RANGAP1: variants seen among roughly 807,000 people sequenced by gnomAD.
RANGAP1 encodes the protein Ran GTPase activating protein 1.
A neutral mutation model predicts 63.5 loss-of-function variants in RANGAP1; 38 were observed. The observed-to-expected ratio is 0.60, with a 90% confidence interval of 0.46 to 0.78. RANGAP1 has a LOEUF of 0.78. RANGAP1 is among the 30% of genes least tolerant of loss of function. The probability of loss-of-function intolerance (pLI) is 0.00; values close to 1 mark genes in which losing one functional copy is unlikely to be tolerated. For missense variants in RANGAP1, 630 were observed against 740.3 expected, an observed-to-expected ratio of 0.85 and a Z score of 1.73; for synonymous variants, 329 against 310.5, an observed-to-expected ratio of 1.06 and a Z score of -0.63.
At chr22:41,285,114 T>A (rs1417020014) in intron 1 of RANGAP1, 5 of 151,882 alleles carry the variant, frequency 3.3e-5, no homozygotes, top group African/African-American at 9.7e-5. Flanking sequence ...CGGTGATCGT[T>A]CCACTACACT....
intron 1 of RANGAP1, chr22:41,285,781 A>T (rs1333225715): frequency 1.2e-6 from 1 of 852,066 alleles, no homozygotes; most frequent in Non-Finnish European, 1.4e-6. Flanking sequence ...ACGCCCTTTA[A>T]GCCTCAGTTT....
At chr22:41,253,924 A>G (rs2033643491) in intron 11 of RANGAP1, among the ~76,000 whole-genome samples, 1 of 152,020 alleles carries the variant, frequency 6.6e-6, no homozygotes. Context: ...CCTGGCCAAT[A>G]TGGCGAAACC....
At chr22:41,268,177 G>T in intron 3 of RANGAP1, 21 bp from the exon 4 acceptor site, 1 of 1,525,546 alleles carries the variant, frequency 6.6e-7, no homozygotes, top group Non-Finnish European at 8.9e-7. Context: ...AAGAAGAGAA[G>T]AGTTAGCGGG....
At chr22:41,297,686 CTTTTTTTTTTT>C in the RANGAP1 span, among the ~76,000 whole-genome samples, 2 of 93,368 alleles carry the variant, frequency 2.1e-5, no homozygotes, top group Non-Finnish European at 4.1e-5. Flanking sequence ...CCACACCTGG[CTTTTTTTTTTT>C]TTTTTTTTTT....
In RANGAP1 at chr22:41,256,378, G is replaced by A. The variant is rs1473461445; in HGVS notation, c.889-88C>T. On this transcript the variant is annotated intron_variant, in intron 8 of 15. Coordinates refer to ENST00000356244, the MANE Select transcript of RANGAP1 (RefSeq NM_002883.4). Reference sequence around the variant, plus strand: ...CTAAGCCTCAGTTTCCCCAAGTGAGGATATGGCAGGCTCTGTCCTCCAGGT... The same window carrying A: ...CTAAGCCTCAGTTTCCCCAAGTGAGAATATGGCAGGCTCTGTCCTCCAGGT... 9.7e-6 allele frequency: 13 copies of A among 1,334,992 alleles called. No homozygotes were observed. The East Asian group carries it at 2.6e-4, about 26-fold the overall frequency. The allele number at this position is 1,334,992 out of a possible 1,614,324, so 82.7% of individuals were successfully genotyped here. A position where few individuals can be genotyped will look rare whatever the true frequency, so the allele number is the denominator to read the frequency against.
At chr22:41,291,612 A>AAAAT in the RANGAP1 span, among the ~76,000 whole-genome samples, 1 of 127,148 alleles carries the variant, frequency 7.9e-6, no homozygotes, top group Non-Finnish European at 1.7e-5. Flanking sequence ...AAAAAAAAAA[A>AAAAT]AATAGGCCGG....
chr22:41,248,556 T>C (rs1357919810), intron 15 of RANGAP1, among the ~76,000 whole-genome samples: 2 of 152,234 alleles, frequency 1.3e-5, no homozygotes, highest in Non-Finnish European at 2.9e-5. Flanking sequence ...GCCTGCCCCA[T>C]GTCCCCGGAT....
intron 12 of RANGAP1, among the ~76,000 whole-genome samples, 198 bp downstream of exon 12, chr22:41,252,673 TG>T (rs1208761020): frequency 2.0e-5 from 3 of 151,870 alleles, no homozygotes; most frequent in African/African-American, 4.8e-5. Flanking sequence ...GTAGGCTGAG[TG>T]GGGAGGGAAC....
chr22:41,299,620 A>G, the RANGAP1 span, among the ~76,000 whole-genome samples: 27 of 152,282 alleles, frequency 1.8e-4, no homozygotes, highest in South Asian at 5.6e-3. Flanking sequence ...TGTTTGGCTC[A>G]TAGTAAAGAA....
intron 2 of RANGAP1, chr22:41,280,558 C>A (rs1203624611): frequency 3.8e-5 from 33 of 878,662 alleles, no homozygotes; most frequent in African/African-American, 5.2e-5. Context: ...AAAGCTGCAG[C>A]TATTCCCAGG....
chr22:41,275,730 G>A (rs1181307917), intron 2 of RANGAP1, among the ~76,000 whole-genome samples: 1 of 150,732 alleles, frequency 6.6e-6, no homozygotes, highest in Non-Finnish European at 1.5e-5. Flanking sequence ...AGTGAGCCGA[G>A]ATCACACCAC....
chr22:41,255,245 G>A (rs2033748223), intron 10 of RANGAP1, among the ~76,000 whole-genome samples: 1 of 152,198 alleles, frequency 6.6e-6, no homozygotes, highest in Non-Finnish European at 1.5e-5. Context: ...AGTGGGACCT[G>A]TGAGGTTCAG....
At chr22:41,271,152 G>T (rs142314105) in intron 3 of RANGAP1, among the ~76,000 whole-genome samples, 1,680 of 151,940 alleles carry the variant, frequency 0.011, 16 homozygotes, top group South Asian at 0.029. Flanking sequence ...CACTTTGGAA[G>T]GCCAAAGTGG....
intron 1 of RANGAP1, chr22:41,285,558 C>T: frequency 1.0e-6 from 1 of 985,478 alleles, no homozygotes; most frequent in Non-Finnish European, 1.2e-6. Flanking sequence ...ATTCCAGGGA[C>T]AGCGGCGCCA....
At chr22:41,288,202 A>T (rs1416427928), upstream of RANGAP1, among the ~76,000 whole-genome samples, 1 of 151,798 alleles carries the variant, frequency 6.6e-6, no homozygotes, top group Non-Finnish European at 1.5e-5. Flanking sequence ...TCTCCTTTTT[A>T]CCTACAAGGC....
Position 41,256,104 on chromosome 22 carries a change from G to A in RANGAP1, c.990C>T (p.Gly330=), listed in dbSNP as rs1569179470. The A allele has an allele frequency of 5.6e-6, 9 of 1,614,004 alleles. No homozygotes were observed. Among genetic ancestry groups the A allele is most frequent in the African/African-American group, 2.7e-5 (2 of 74,906 alleles). Residue 330 remains glycine, a splice_region_variant and synonymous_variant, in exon 10 of 16, where the codon GGC becomes GGT. Transcript: ENST00000356244. The part of the protein sequence containing the change: ...KAELEKLDLN[G]NTLGEEGCEQ... Reference sequence around the variant, plus strand: ...CACAGCCTTCTTCTCCCAGGGTGTTGCCTGCTCAAGGGGAGGGAAGAGCAG... The same window carrying A: ...CACAGCCTTCTTCTCCCAGGGTGTTACCTGCTCAAGGGGAGGGAAGAGCAG...
chr22:41,294,358 A>G, the RANGAP1 span, among the ~76,000 whole-genome samples: 3 of 152,100 alleles, frequency 2.0e-5, no homozygotes, highest in Non-Finnish European at 4.4e-5. Context: ...TCAGTGCTCA[A>G]TGGTGCCAAG....
intron 3 of RANGAP1, among the ~76,000 whole-genome samples, chr22:41,270,924 C>G (rs1157445382): frequency 7.1e-6 from 1 of 141,276 alleles, no homozygotes; most frequent in Non-Finnish European, 1.6e-5. Context: ...CTCCCCAAAC[C>G]TAACTCTAAT....
Position 41,273,093 on chromosome 22 carries a change from A to C in RANGAP1, c.240+1507T>G, listed in dbSNP as rs576164962. Among the ~76,000 whole-genome samples the C allele has an allele frequency of 3.3e-5, 5 of 152,110 alleles. No individual in the cohort carries two copies. In the South Asian group the frequency reaches 1.0e-3, roughly 32 times the overall value. On this transcript the variant is annotated intron_variant, in intron 3 of 15. Coordinates refer to ENST00000356244, the MANE Select transcript of RANGAP1 (RefSeq NM_002883.4). ...TTATAGCTGTGAGCCATCGTGCCCG[A>C]CTGATCGTGGCTATTTAATGAGCCC...
Sources: allele counts gnomAD v4.1 joint callset (sites outside exome capture counted in the v4.1 genomes callset), GRCh38; gene constraint gnomAD v4.1.1; transcripts MANE v1.5; gene names NCBI Gene and HGNC (gene_info 2026-07-23, HGNC 2026-07-21).